The following ATXN1 variants were observed in gnomAD, a reference collection of about 807,000 sequenced individuals.
The protein encoded by ATXN1 is ataxin-1.
In ATXN1, 8 loss-of-function variants were observed where a neutral mutation model predicts 56.4. The observed-to-expected ratio is 0.14, with a 90% CI of 0.08 to 0.26. The LOEUF (loss-of-function observed/expected upper bound fraction) is 0.26, where lower values mean the gene tolerates loss of function less well. ATXN1 is among the 10% of genes least tolerant of loss of function. The pLI is 1.00. For missense variants in ATXN1, 987 were observed against 1,106.5 expected (o/e 0.89, Z 1.53); for synonymous variants, 514 against 494.6 (o/e 1.04, Z -0.52).
At chr6:16,324,269 C>T (rs1760751862) in intron 7 of ATXN1, among the ~76,000 whole-genome samples, 2 of 152,004 alleles carry the variant, frequency 1.3e-5, no homozygotes, top group African/African-American at 4.8e-5. Context: ...ACAGCAAGAC[C>T]CCATCTCTAC....
intron 6 of ATXN1, among the ~76,000 whole-genome samples, chr6:16,432,033 T>C (rs1394141086): frequency 1.3e-5 from 2 of 152,220 alleles, no homozygotes; most frequent in African/African-American, 4.8e-5. Context: ...AAATGGTGGA[T>C]AATCTATTTA....
At position 16,752,985 on chromosome 6, in the gene ATXN1, C is replaced by T. The variant is rs1025510479; in HGVS notation, c.-615+248G>A. 8 of 285,778 alleles carry T rather than the reference C, an allele frequency of 2.8e-5. No individual in the cohort carries two copies. The Admixed American group carries it at 3.3e-4, about 12-fold the overall frequency. 17.7% of individuals were successfully genotyped at this position (285,778 alleles called of 1,614,324 possible). ...GGTTCAAGCCCCAATTGGCAATTAT[C>T]AATCATCGCAAAGTCAAATGAAAGT... On this transcript the variant is annotated intron_variant, in intron 2 of 7. Coordinates refer to ENST00000436367, the MANE Select transcript of ATXN1 (RefSeq NM_001128164.2).
chr6:16,525,781 A>C (rs978419455), intron 4 of ATXN1, among the ~76,000 whole-genome samples: 1 of 151,956 alleles, frequency 6.6e-6, no homozygotes, highest in African/African-American at 2.4e-5. Context: ...CCATACATAT[A>C]CACACCTATG....
rs963097809 is a variant in ATXN1 at position 16,707,713 on chromosome 6, G to C, written c.-615+45520C>G. Reference sequence around the variant, plus strand: ...GGAACACTGGGGAAAATAGCAGACTGAGAGAGAAGAGGTCCAATGGTTATG... The same window carrying C: ...GGAACACTGGGGAAAATAGCAGACTCAGAGAGAAGAGGTCCAATGGTTATG... On this transcript the variant is annotated intron_variant, in intron 2 of 7. Transcript: ENST00000436367. Among the ~76,000 whole-genome samples the C allele has an allele frequency of 7.2e-5, 11 of 152,292 alleles. No homozygotes were observed. The East Asian group carries it at 2.1e-3, about 29-fold the overall frequency.
intron 6 of ATXN1, among the ~76,000 whole-genome samples, chr6:16,337,083 G>A (rs752193363): frequency 5.9e-5 from 9 of 152,184 alleles, no homozygotes; most frequent in Admixed American, 2.0e-4. Context: ...AGCTGCACTG[G>A]CTGCCATTCT....
At position 16,495,589 on chromosome 6, in the gene ATXN1, G is replaced by A. The variant is rs892696553; in HGVS notation, c.-298-9480C>T. 5.3e-5 allele frequency among the ~76,000 whole-genome samples: 8 copies of A among 152,186 alleles called. No individual in the cohort carries two copies. In the East Asian group the frequency reaches 9.6e-4, roughly 18 times the overall value. ...TAAAAAATTAGTATTGGGGCTAGGC[G>A]TGGTGGCTTACGCCTATAATCCCTG... is the stretch of plus-strand genomic sequence containing the variant. On this transcript the variant is annotated intron_variant, in intron 5 of 7. Transcript: ENST00000436367.
chr6:16,527,499 G>A (rs1761417818), intron 4 of ATXN1, among the ~76,000 whole-genome samples: 1 of 152,138 alleles, frequency 6.6e-6, no homozygotes, highest in Non-Finnish European at 1.5e-5. Flanking sequence ...AGGCGGAGAT[G>A]CAAAGTAGAG....
intron 6 of ATXN1, among the ~76,000 whole-genome samples, chr6:16,364,610 G>T (rs2113480367): frequency 6.6e-6 from 1 of 152,242 alleles, no homozygotes; most frequent in Non-Finnish European, 1.5e-5. Flanking sequence ...GCCAGTTCTA[G>T]ATATTTTGAG....
At chr6:16,428,477 A>G (rs1263401719) in intron 6 of ATXN1, among the ~76,000 whole-genome samples, 1 of 148,360 alleles carries the variant, frequency 6.7e-6, no homozygotes, top group Admixed American at 6.7e-5. Flanking sequence ...GGTTTTTGCC[A>G]TTGAAAGTAA....
chr6:16,487,868 A>G (rs539797469), intron 5 of ATXN1, among the ~76,000 whole-genome samples: 5 of 152,346 alleles, frequency 3.3e-5, no homozygotes, highest in Admixed American at 3.3e-4. Context: ...AGGAAAGTCA[A>G]AAATGAGCAG....
chr6:16,346,215 C>T (rs1045222726), intron 6 of ATXN1, among the ~76,000 whole-genome samples: 1 of 152,112 alleles, frequency 6.6e-6, no homozygotes, highest in Non-Finnish European at 1.5e-5. Context: ...GCCACCATGC[C>T]TGGCTAGTTT....
rs535524078 is a variant in ATXN1 at position 16,594,118 on chromosome 6, A to G, written c.-488-8211T>C. Reference sequence around the variant, plus strand: ...ATAGAAGCTAATATATATTAGTCTAATTAATATATATATTAGTCTAATTGT... The same window carrying G: ...ATAGAAGCTAATATATATTAGTCTAGTTAATATATATATTAGTCTAATTGT... On this transcript the variant is annotated intron_variant, in intron 3 of 7. Transcript: ENST00000436367. Among the ~76,000 whole-genome samples the G allele has an allele frequency of 9.1e-4, 135 of 148,182 alleles. 1 individual carries two copies. Among genetic ancestry groups the G allele is most frequent in the African/African-American group, 3.0e-3 (122 of 40,564 alleles).
At chr6:16,738,966 A>T (rs1278152358) in intron 2 of ATXN1, 1 of 152,200 alleles carries the variant, frequency 6.6e-6, no homozygotes, top group Non-Finnish European at 1.5e-5. Flanking sequence ...TTTTTGACAG[A>T]GAACAAAATG....
At chr6:16,339,016 G>A (rs1008682838) in intron 6 of ATXN1, among the ~76,000 whole-genome samples, 8 of 152,122 alleles carry the variant, frequency 5.3e-5, no homozygotes, top group Admixed American at 1.3e-4. Context: ...CAATGCCTCC[G>A]TGTTTCACTC....
chr6:16,413,419 T>C (rs1758842525), intron 6 of ATXN1, among the ~76,000 whole-genome samples: 1 of 152,272 alleles, frequency 6.6e-6, no homozygotes, highest in South Asian at 2.1e-4. Flanking sequence ...CTTTTTGTTA[T>C]AGGCTTGTGC....
intron 5 of ATXN1, among the ~76,000 whole-genome samples, chr6:16,490,422 A>G (rs1263143653): frequency 5.3e-5 from 8 of 152,208 alleles, no homozygotes; most frequent in Non-Finnish European, 1.0e-4. Flanking sequence ...TCTGTTTACC[A>G]ACAAACAGTT....
rs926759805 is a variant in ATXN1 at position 16,425,654 on chromosome 6, C to T, written c.-161+60318G>A. On this transcript the variant is annotated intron_variant, in intron 6 of 7. Coordinates refer to ENST00000436367, the MANE Select transcript of ATXN1 (RefSeq NM_001128164.2). ...AAGTAACAAAGAGATGGGAAGATTT[C>T]CTAAGTTCTCATGCTATCCCACCTC... Among the ~76,000 whole-genome samples, 5 of 152,248 alleles carry T rather than the reference C, an allele frequency of 3.3e-5. No individual in the cohort carries two copies. The East Asian group carries it at 9.6e-4, about 29-fold the overall frequency.
At chr6:16,714,576 T>TTTCTAA (rs1245978766) in intron 2 of ATXN1, among the ~76,000 whole-genome samples, 1 of 152,218 alleles carries the variant, frequency 6.6e-6, no homozygotes, top group African/African-American at 2.4e-5. Flanking sequence ...GTCCCATCTT[T>TTTCTAA]TTCTAAGCAT....
chr6:16,330,949 T>A (rs1017089010), intron 6 of ATXN1, among the ~76,000 whole-genome samples: 1 of 151,948 alleles, frequency 6.6e-6, no homozygotes, highest in African/African-American at 2.4e-5. Flanking sequence ...AAAACACTTA[T>A]GCTGAAGAAA....
Sources: allele counts gnomAD v4.1 joint callset (sites outside exome capture counted in the v4.1 genomes callset), GRCh38; gene constraint gnomAD v4.1.1; transcripts MANE v1.5; gene names NCBI Gene and HGNC (gene_info 2026-07-23, HGNC 2026-07-21).